The following ZNF385D variants were observed in gnomAD, a reference collection of about 807,000 sequenced individuals.
The protein encoded by ZNF385D is zinc finger protein 385D, also known as zinc finger protein 659.
A neutral mutation model predicts 35.8 loss-of-function variants in ZNF385D; 15 were observed. The observed-to-expected ratio is 0.42, with a 90% CI of 0.28 to 0.64. The LOEUF (loss-of-function observed/expected upper bound fraction) is 0.64, where lower values mean the gene tolerates loss of function less well. Among genes scored for constraint, ZNF385D ranks in the 30% least tolerant of loss-of-function variants. The pLI, the probability that ZNF385D is intolerant of heterozygous loss-of-function variation, is 0.23. For missense variants in ZNF385D, 474 were observed against 494.6 expected (o/e 0.96, Z 0.39); for synonymous variants, 212 against 186.8 (o/e 1.13, Z -1.10).
chr3:22,042,528 A>G (rs1005988802), intron 3 of ZNF385D, among the ~76,000 whole-genome samples: 19 of 152,258 alleles, frequency 1.2e-4, no homozygotes, highest in African/African-American at 4.3e-4. Flanking sequence ...AGGTATTCAC[A>G]TAATTCTTTT....
intron 4 of ZNF385D, among the ~76,000 whole-genome samples, chr3:21,507,539 T>C (rs1198049710): frequency 9.2e-5 from 14 of 152,212 alleles, no homozygotes; most frequent in Admixed American, 9.2e-4. Flanking sequence ...TCTTTGATTC[T>C]AGAGTCTTAT....
chr3:22,292,213 T>G (rs1449505617), intron 2 of ZNF385D, among the ~76,000 whole-genome samples: 7 of 152,044 alleles, frequency 4.6e-5, no homozygotes, highest in Non-Finnish European at 1.0e-4. Flanking sequence ...ACTTCCTTTA[T>G]TTTTTAAAAA....
At chr3:21,934,874 T>G (rs1423915859) in intron 3 of ZNF385D, among the ~76,000 whole-genome samples, 1 of 152,198 alleles carries the variant, frequency 6.6e-6, no homozygotes, top group Non-Finnish European at 1.5e-5. Flanking sequence ...ATTCACCACA[T>G]TTTTATTTAC....
chr3:21,939,835 G>T (rs1240094830), intron 3 of ZNF385D, among the ~76,000 whole-genome samples: 2 of 152,184 alleles, frequency 1.3e-5, no homozygotes, highest in African/African-American at 4.8e-5. Flanking sequence ...GAAGGCCTCA[G>T]ATGTGAGAGA....
intron 3 of ZNF385D, among the ~76,000 whole-genome samples, chr3:21,858,371 C>T (rs1450154703): frequency 6.6e-6 from 1 of 151,880 alleles, no homozygotes; most frequent in Non-Finnish European, 1.5e-5. Flanking sequence ...TTCACATGTG[C>T]TATGGTCTGA....
At chr3:22,325,191 G>C (rs1694620907) in intron 2 of ZNF385D, among the ~76,000 whole-genome samples, 1 of 152,152 alleles carries the variant, frequency 6.6e-6, no homozygotes, top group Non-Finnish European at 1.5e-5. Flanking sequence ...TTTTGTCCTT[G>C]AGTTTTATTA....
At chr3:21,790,855 G>C (rs894364558) in intron 3 of ZNF385D, among the ~76,000 whole-genome samples, 1 of 152,146 alleles carries the variant, frequency 6.6e-6, no homozygotes, top group Non-Finnish European at 1.5e-5. Context: ...TAAATTTATA[G>C]AATGTGAAAT....
At chr3:21,880,911 C>T (rs1430902683) in intron 3 of ZNF385D, among the ~76,000 whole-genome samples, 1 of 151,808 alleles carries the variant, frequency 6.6e-6, no homozygotes, top group Non-Finnish European at 1.5e-5. Context: ...TTAAACAAGC[C>T]ACACCATTTC....
At chr3:21,485,608 C>A (rs1455055489) in intron 4 of ZNF385D, among the ~76,000 whole-genome samples, 1 of 152,004 alleles carries the variant, frequency 6.6e-6, no homozygotes, top group East Asian at 1.9e-4. Flanking sequence ...CACCATTTTT[C>A]CCATCTGTGA....
At chr3:21,963,052 A>G (rs1396804071) in intron 3 of ZNF385D, among the ~76,000 whole-genome samples, 1 of 152,178 alleles carries the variant, frequency 6.6e-6, no homozygotes, top group African/African-American at 2.4e-5. Context: ...AGTATCTTTT[A>G]TTCAATAGTT....
At chr3:21,691,796 A>G (rs1290292248) in intron 1 of ZNF385D, among the ~76,000 whole-genome samples, 1 of 152,174 alleles carries the variant, frequency 6.6e-6, no homozygotes, top group Non-Finnish European at 1.5e-5. Context: ...CTACACTCAT[A>G]CTGCCATGCA....
intron 3 of ZNF385D, among the ~76,000 whole-genome samples, chr3:22,095,500 T>G (rs4624584): frequency 0.14 from 20,760 of 151,966 alleles, 1,513 homozygotes; most frequent in East Asian, 0.18. Context: ...TCTCAAGCTA[T>G]TGATCTATCT....
intron 1 of ZNF385D, among the ~76,000 whole-genome samples, chr3:21,748,336 T>C (rs1038571172): frequency 7.0e-6 from 1 of 142,620 alleles, no homozygotes; most frequent in African/African-American, 2.6e-5. Context: ...GGTCCAGTTG[T>C]CCAGTCCCAA....
rs1024955556 is a variant in ZNF385D at position 21,418,523 on chromosome 3, G to A, written c.*2691C>T. Reference sequence around the variant, plus strand: ...CCATTTAAACAAAAATGGTTCCATAGCGAAGTGAGGCAGAAGGGATCCAGG... The same window carrying A: ...CCATTTAAACAAAAATGGTTCCATAACGAAGTGAGGCAGAAGGGATCCAGG... On this transcript the variant is annotated 3_prime_UTR_variant, in exon 8 of 8. Coordinates refer to ENST00000281523, the MANE Select transcript of ZNF385D (RefSeq NM_024697.3). The A allele has an allele frequency of 6.6e-6, 1 of 152,144 alleles. No homozygotes were observed. Among genetic ancestry groups the A allele is most frequent in the African/African-American group, 2.4e-5 (1 of 41,442 alleles). 9.4% of individuals were successfully genotyped at this position (152,144 alleles called of 1,614,324 possible).
At chr3:22,251,019 T>C (rs1358750119) in intron 2 of ZNF385D, among the ~76,000 whole-genome samples, 1 of 151,982 alleles carries the variant, frequency 6.6e-6, no homozygotes, top group African/African-American at 2.4e-5. Context: ...CACCAATCAA[T>C]CGCCCTTACC....
intron 2 of ZNF385D, among the ~76,000 whole-genome samples, chr3:21,613,921 A>G (rs2125795712): frequency 6.6e-6 from 1 of 152,346 alleles, no homozygotes; most frequent in South Asian, 2.1e-4. Context: ...TGGACCCCAA[A>G]TATAAGAATG....
intron 2 of ZNF385D, among the ~76,000 whole-genome samples, chr3:21,636,035 T>C (rs1202860875): frequency 1.3e-5 from 2 of 152,056 alleles, no homozygotes; most frequent in East Asian, 1.9e-4. Flanking sequence ...TGCAAGTATC[T>C]TTTTCATATA....
intron 3 of ZNF385D, among the ~76,000 whole-genome samples, chr3:22,129,310 G>A (rs1703634353): frequency 2.6e-5 from 4 of 152,126 alleles, no homozygotes; most frequent in Admixed American, 2.6e-4. Context: ...TCTTGCCTAA[G>A]GCCTGTTGTG....
intron 3 of ZNF385D, among the ~76,000 whole-genome samples, chr3:22,155,312 T>G (rs914674817): frequency 6.6e-6 from 1 of 152,132 alleles, no homozygotes; most frequent in African/African-American, 2.4e-5. Context: ...CTTTGATTTT[T>G]TTTCCATCAG....
Sources: allele counts gnomAD v4.1 joint callset (sites outside exome capture counted in the v4.1 genomes callset), GRCh38; gene constraint gnomAD v4.1.1; transcripts MANE v1.5; gene names NCBI Gene and HGNC (gene_info 2026-07-23, HGNC 2026-07-21).